The following SBK3 variants were observed in gnomAD, a reference collection of about 807,000 sequenced individuals.
The protein encoded by SBK3 is uncharacterized serine/threonine-protein kinase SBK3.
In SBK3, 16 loss-of-function variants were observed where a neutral mutation model predicts 12.7. That is an observed-to-expected ratio of 1.26 (90% CI 0.86 to 1.92). The LOEUF is 1.92. Among genes scored for constraint, SBK3 ranks in the 40% most tolerant of loss-of-function variants. The pLI is 0.00. For synonymous variants in SBK3, 217 were observed against 213.6 expected (o/e 1.02, Z -0.14); for missense variants, 462 against 481.8 (o/e 0.96, Z 0.38).
chr19:55,542,242 A>T (rs2123490966), intron 3 of SBK3, among the ~76,000 whole-genome samples: 1 of 152,216 alleles, frequency 6.6e-6, no homozygotes, highest in South Asian at 2.1e-4. Flanking sequence ...CATCCATTCC[A>T]CCAACCAGTC....
intron 2 of SBK3, 25 bp downstream of exon 2, chr19:55,544,774 G>A: frequency 2.0e-6 from 3 of 1,465,504 alleles, no homozygotes; most frequent in Non-Finnish European, 2.7e-6. Flanking sequence ...AGTTGGGGAG[G>A]CTGCCCTTGG....
chr19:55,544,483 G>T (rs549801667), intron 2 of SBK3, among the ~76,000 whole-genome samples, 181 bp from the exon 3 acceptor site: 1 of 152,274 alleles, frequency 6.6e-6, no homozygotes, highest in African/African-American at 2.4e-5. Flanking sequence ...GCCTCGGACT[G>T]CGGCGTGGGC....
chr19:55,541,809 A>T lies in SBK3; in HGVS notation c.400-283T>A, dbSNP rs565008940. The stretch of plus-strand genomic sequence containing the variant: ...GTGTTCCCACCACATGCTCCCAAAG[A>T]CTTTCTCTCCATCATCCTCAACCTC... On this transcript the variant is annotated intron_variant, in intron 3 of 3. Coordinates refer to ENST00000612221, the MANE Select transcript of SBK3 (RefSeq NM_001199824.2). The surrounding 1 kb of genome is among the most constrained non-coding windows in gnomAD (Gnocchi z 5.3). Among the ~76,000 whole-genome samples, 96 of 152,174 alleles carry T rather than the reference A, an allele frequency of 6.3e-4. No homozygotes were observed. The highest frequency in any genetic ancestry group is 2.3e-3 in the South Asian group (11 of 4,822).
intron 3 of SBK3, among the ~76,000 whole-genome samples, chr19:55,542,112 AT>A (rs1988568018): frequency 6.6e-6 from 1 of 152,084 alleles, no homozygotes; most frequent in Admixed American, 6.6e-5. Flanking sequence ...CTTTTCTAAA[AT>A]TCCCCAGTTT....
At chr19:55,544,689 T>G in intron 2 of SBK3, 110 bp downstream of exon 2, 7 of 1,112,086 alleles carry the variant, frequency 6.3e-6, no homozygotes, top group Non-Finnish European at 8.7e-6. Flanking sequence ...GTACCCCCAC[T>G]GAGAAGGGTC....
rs777198555 is a variant in SBK3 at position 55,544,275 on chromosome 19, C to T, written c.224G>A (p.Arg75His). 185 of 1,535,932 alleles carry T rather than the reference C, an allele frequency of 1.2e-4. No homozygotes were observed. The highest frequency in any genetic ancestry group is 1.5e-4 in the Non-Finnish European group (173 of 1,146,836). ...GGPAVALKLL[R>H]RDLVLRSTFL... ...GGTGCTTCTCAGGACCAAATCCCGA[C>T]GCAGGAGCTTCAGAGCCACAGCTGG... is the stretch of plus-strand genomic sequence containing the variant. The change falls in exon 3 of 4, where the codon CGT (arginine) becomes CAT (histidine). Residue 75 changes from arginine (R) to histidine (H), a missense_variant. By Grantham distance (29) the Arg-to-His change is conservative. Coordinates refer to ENST00000612221, the MANE Select transcript of SBK3 (RefSeq NM_001199824.2).
chr19:55,541,214 C>T lies in SBK3; in HGVS notation c.712G>A (p.Ala238Thr). 2.0e-6 allele frequency: 3 copies of T among 1,536,090 alleles called. No homozygotes were observed. The highest frequency in any genetic ancestry group is 1.7e-6 in the Non-Finnish European group (2 of 1,146,894). The change falls in exon 4 of 4, where the codon GCC (alanine) becomes ACC (threonine). Residue 238 changes from alanine to threonine, a missense_variant. Physicochemically the swap from Ala to Thr is moderately conservative, Grantham distance 58. Transcript: ENST00000612221. This position sits in a 1 kb window ranked among gnomAD's most constrained non-coding sequence, Gnocchi z 5.3. ...LGVLLFCAAT[A>T]CFPWDVALAP... ...AGTGCCACGTCCCAAGGGAAACAGG[C>T]AGTGGCAGCACAGAAGAGAAGCACC...
At position 55,545,069 on chromosome 19, in the gene SBK3, CCCAGAGAGGAGG is replaced by C. The variant is rs1988645641; in HGVS notation, c.46-132_46-121del. On this transcript the variant is annotated intron_variant, in intron 1 of 3. Transcript: ENST00000612221. This position sits in a 1 kb window ranked among gnomAD's most constrained non-coding sequence, Gnocchi z 4.4. ...GGGGCAGGGGACAGGGGTCACTGTC[CCCAGAGAGGAGG>C]ATGAGTCACAGTGACTCACCCGGAC... The C allele has an allele frequency of 1.4e-6, 1 of 738,460 alleles. No homozygotes were observed. Among genetic ancestry groups the C allele is most frequent in the South Asian group, 1.9e-5 (1 of 53,592 alleles). The allele number at this position is 738,460 out of a possible 1,614,324, so 45.7% of individuals were successfully genotyped here. A position where few individuals can be genotyped will look rare whatever the true frequency, so the allele number is the denominator to read the frequency against.
At chr19:55,543,061 C>T (rs1373037341) in intron 3 of SBK3, among the ~76,000 whole-genome samples, 2 of 134,818 alleles carry the variant, frequency 1.5e-5, no homozygotes, top group Non-Finnish European at 3.2e-5. Flanking sequence ...ATCCACTCAT[C>T]CATCCATCCA....
rs1323774124 is a variant in SBK3 at position 55,541,834 on chromosome 19, CA to C, written c.400-309del. 6.6e-6 allele frequency among the ~76,000 whole-genome samples: 1 copy of C among 152,212 alleles called. No homozygotes were observed. Among genetic ancestry groups the C allele is most frequent in the Non-Finnish European group, 1.5e-5 (1 of 68,032 alleles). ...ACTTTCTCTCCATCATCCTCAACCT[CA>C]ACCTGCAGCCATATCTGCACTCCTG... On this transcript the variant is annotated intron_variant, in intron 3 of 3. Transcript: ENST00000612221. This position sits in a 1 kb window ranked among gnomAD's most constrained non-coding sequence, Gnocchi z 5.3.
chr19:55,541,333 G>A lies in SBK3; in HGVS notation c.593C>T (p.Pro198Leu). ...AGGCGGTGCCGTGGGCAGAGGCACT[G>A]GTGGGGCGGGGGTCGGGCTGCCCTC... The part of the protein sequence containing the change: ...RPEGSPTPAP[P>L]VPLPTAPPEL... Residue 198 changes from proline to leucine, a missense_variant, in exon 4 of 4, where the codon CCA becomes CTA. Pro to Leu is a moderately conservative substitution (Grantham distance 98). Transcript: ENST00000612221. This position sits in a 1 kb window ranked among gnomAD's most constrained non-coding sequence, Gnocchi z 5.3. 1 of 1,535,166 alleles carries A rather than the reference G, an allele frequency of 6.5e-7. No individual in the cohort carries two copies. Among genetic ancestry groups the A allele is most frequent in the Non-Finnish European group, 8.7e-7 (1 of 1,146,420 alleles).
At chr19:55,544,324 G>A in intron 2 of SBK3, 22 bp from the exon 3 acceptor site, 1 of 1,527,002 alleles carries the variant, frequency 6.5e-7, no homozygotes, top group Non-Finnish European at 8.8e-7. Flanking sequence ...ATGGGTCGGA[G>A]GGACACTCAG....
rs749523886 is a variant in SBK3, at chr19:55,544,401, T to A, written c.197-99A>T. ...AACTCTCTGAGCCTCACACTTCTCA[T>A]GGGCAGCACGGGCTCCCCTGTCTGT... On this transcript the variant is annotated intron_variant, in intron 2 of 3. Transcript: ENST00000612221. The A allele has an allele frequency of 1.2e-5, 11 of 941,528 alleles. No homozygotes were observed. The Admixed American group carries it at 2.6e-4, about 22-fold the overall frequency. The allele number at this position is 941,528 out of a possible 1,614,324, so 58.3% of individuals were successfully genotyped here. A position where few individuals can be genotyped will look rare whatever the true frequency, so the allele number is the denominator to read the frequency against.
rs765919952 is a variant in SBK3, at chr19:55,545,516, C to T, written c.28G>A (p.Glu10Lys). The T allele has an allele frequency of 2.0e-6, 3 of 1,534,986 alleles. No homozygotes were observed. The highest frequency in any genetic ancestry group is 2.4e-5 in the South Asian group (2 of 83,998). Residue 10 changes from glutamate (E) to lysine (K), a missense_variant, in exon 1 of 4, where the codon GAG (glutamate) becomes AAG (lysine). Transcript: ENST00000612221. This position sits in a 1 kb window ranked among gnomAD's most constrained non-coding sequence, Gnocchi z 4.4. MERRASETP[E>K]DGDPEEDTAT... ...TCTCTCACCTCTGGGTCCCCATCCT[C>T]AGGGGTCTCGGAGGCCCTGCGCTCC...
chr19:55,542,093 A>G (rs1988567843), intron 3 of SBK3, among the ~76,000 whole-genome samples: 1 of 152,058 alleles, frequency 6.6e-6, no homozygotes, highest in African/African-American at 2.4e-5. Context: ...CCCATCTCTA[A>G]CTCAGAGGCT....
chr19:55,544,235 G>C lies in SBK3; in HGVS notation c.264C>G (p.Phe88Leu). Residue 88 changes from phenylalanine to leucine, a missense_variant, in exon 3 of 4, where the codon TTC becomes TTG. Physicochemically the swap from Phe to Leu is conservative, Grantham distance 22. Transcript: ENST00000612221. ...LVLRSTFLRE[F>L]CVGRCVSAHP... ...GTGCAGAGACGCAGCGGCCCACACA[G>C]AACTCCCTCAGGAAGGTGCTTCTCA... 6.5e-7 allele frequency: 1 copy of C among 1,536,036 alleles called. No homozygotes were observed. Among genetic ancestry groups the C allele is most frequent in the South Asian group, 1.2e-5 (1 of 84,066 alleles).
At position 55,541,534 on chromosome 19, in the gene SBK3, C is replaced by G; in HGVS notation, c.400-8G>C. The G allele has an allele frequency of 6.7e-7, 1 of 1,498,454 alleles. No individual in the cohort carries two copies. Among genetic ancestry groups the G allele is most frequent in the Non-Finnish European group, 8.9e-7 (1 of 1,123,980 alleles). 92.8% of individuals were successfully genotyped at this position (1,498,454 alleles called of 1,614,324 possible). The stretch of plus-strand genomic sequence containing the variant: ...CAGCAGTTCTGGGAGGCCCTGAGGT[C>G]AAGAAGACAGGAGGAGGGTCAGAGT... On this transcript the variant is annotated splice_polypyrimidine_tract_variant and splice_region_variant and intron_variant, in intron 3 of 3. Transcript: ENST00000612221. This position sits in a 1 kb window ranked among gnomAD's most constrained non-coding sequence, Gnocchi z 5.3.
At chr19:55,542,797 A>C (rs568985211) in intron 3 of SBK3, among the ~76,000 whole-genome samples, 181 of 80,058 alleles carry the variant, frequency 2.3e-3, no homozygotes, top group African/African-American at 6.6e-3. Flanking sequence ...TCCACCCACC[A>C]ATCCTTCCTT....
intron 3 of SBK3, among the ~76,000 whole-genome samples, chr19:55,543,725 A>C (rs1014742177): frequency 2.6e-5 from 4 of 151,564 alleles, no homozygotes; most frequent in African/African-American, 7.3e-5. Context: ...TTTTCTCCAT[A>C]CTCACGATGA....
Sources: allele counts gnomAD v4.1 joint callset (sites outside exome capture counted in the v4.1 genomes callset), GRCh38; gene constraint gnomAD v4.1.1; non-coding constraint Gnocchi (gnomAD v3.1); transcripts MANE v1.5; gene names NCBI Gene and HGNC (gene_info 2026-07-23, HGNC 2026-07-21).